Variants in SNTG2 observed in about 807,000 individuals in gnomAD.
SNTG2 encodes gamma-2-syntrophin.
Under a neutral mutation model 70.9 loss-of-function variants are expected in SNTG2, and 74 were observed. That is an observed-to-expected ratio of 1.04 (90% CI 0.86 to 1.27). The LOEUF (loss-of-function observed/expected upper bound fraction) is 1.27, where lower values mean the gene tolerates loss of function less well. SNTG2 is among the 50% of genes most tolerant of loss of function. The probability of loss-of-function intolerance (pLI) is 0.00; values close to 1 mark genes in which losing one functional copy is unlikely to be tolerated. For synonymous variants in SNTG2, 278 were observed against 273.8 expected (o/e 1.02, Z -0.15); for missense variants, 717 against 690.7 (o/e 1.04, Z -0.43).
At chr2:999,495 A>G (rs898114673) in intron 1 of SNTG2, among the ~76,000 whole-genome samples, 10 of 152,070 alleles carry the variant, frequency 6.6e-5, no homozygotes, top group African/African-American at 1.4e-4. Flanking sequence ...GAGTAGTTAC[A>G]CTAATATCAG....
intron 9 of SNTG2, among the ~76,000 whole-genome samples, chr2:1,236,112 G>T (rs190192189): frequency 1.3e-5 from 2 of 152,070 alleles, no homozygotes; most frequent in East Asian, 1.9e-4. Context: ...TGTATATGTC[G>T]CACCAGTTAA....
chr2:995,508 A>G (rs1418864516), intron 1 of SNTG2, among the ~76,000 whole-genome samples: 1 of 151,964 alleles, frequency 6.6e-6, no homozygotes, highest in African/African-American at 2.4e-5. Flanking sequence ...TTCATGAGGG[A>G]TATTATCTTG....
chr2:1,175,842 G>C (rs1671439343), intron 8 of SNTG2, among the ~76,000 whole-genome samples: 1 of 152,290 alleles, frequency 6.6e-6, no homozygotes, highest in South Asian at 2.1e-4. Context: ...ATGATTCGGT[G>C]CCATTTCAGG....
intron 1 of SNTG2, among the ~76,000 whole-genome samples, chr2:1,080,103 G>A (rs1484408386): frequency 6.6e-6 from 1 of 152,174 alleles, no homozygotes; most frequent in Admixed American, 6.5e-5. Context: ...TGGCGAGGGG[G>A]ACTTGTCCTG....
intron 1 of SNTG2, among the ~76,000 whole-genome samples, chr2:1,009,630 G>A (rs1558308116): frequency 2.4e-4 from 22 of 92,554 alleles, no homozygotes; most frequent in African/African-American, 2.7e-4. Context: ...ATACTGGTGG[G>A]TCGTGTGTAT....
At chr2:1,054,253 C>G (rs1218431232) in intron 1 of SNTG2, among the ~76,000 whole-genome samples, 4 of 137,048 alleles carry the variant, frequency 2.9e-5, no homozygotes, top group Non-Finnish European at 6.3e-5. Flanking sequence ...CATCCCTAAG[C>G]GTCAGACCTC....
intron 12 of SNTG2, among the ~76,000 whole-genome samples, chr2:1,254,374 G>T (rs1677929907): frequency 6.6e-6 from 1 of 152,148 alleles, no homozygotes; most frequent in Non-Finnish European, 1.5e-5. Context: ...TTGTACATTA[G>T]AATCTGAAAG....
At position 1,267,741 on chromosome 2, in the gene SNTG2, C is replaced by T. The variant is rs149684072; in HGVS notation, c.1284+170C>T. 2.2e-5 allele frequency among the ~76,000 whole-genome samples: 3 copies of T among 138,700 alleles called. No individual in the cohort carries two copies. In the South Asian group the frequency reaches 7.3e-4, roughly 34 times the overall value. The allele number at this position is 138,700 out of a possible 152,430, so 91.0% of individuals were successfully genotyped here. ...ATCGTTCGCACGGAGTCATGCGCTC[C>T]GTGGATAAATATGAGCTGTAGTGGA... On this transcript the variant is annotated intron_variant, in intron 14 of 16. Coordinates refer to ENST00000308624, the MANE Select transcript of SNTG2 (RefSeq NM_018968.4).
At chr2:1,195,892 C>T (rs1223852247) in intron 8 of SNTG2, among the ~76,000 whole-genome samples, 1 of 148,768 alleles carries the variant, frequency 6.7e-6, no homozygotes, top group Non-Finnish European at 1.5e-5. Flanking sequence ...CTTTATTGAT[C>T]AGGAAAAAAA....
chr2:999,402 C>T (rs532482418), intron 1 of SNTG2, among the ~76,000 whole-genome samples: 7 of 152,004 alleles, frequency 4.6e-5, no homozygotes, highest in African/African-American at 2.4e-5. Context: ...TACAAGAAAC[C>T]CACCTGAGTG....
At chr2:1,162,122 C>G (rs1217881866) in intron 6 of SNTG2, among the ~76,000 whole-genome samples, 1 of 151,212 alleles carries the variant, frequency 6.6e-6, no homozygotes, top group Non-Finnish European at 1.5e-5. Flanking sequence ...CTCTGCCTCT[C>G]TCTATTGATT....
chr2:1,222,556 AAGCGGTGCAGTGATGGAG>A (rs1442940080), intron 9 of SNTG2, among the ~76,000 whole-genome samples: 11 of 72,700 alleles, frequency 1.5e-4, no homozygotes, highest in East Asian at 9.0e-4. Flanking sequence ...CTGTAGAGGA[AAGCGGTGCAGTGATGGAG>A]GGCGTCTCCC....
chr2:1,194,704 C>T (rs2147949056), intron 8 of SNTG2, among the ~76,000 whole-genome samples: 1 of 152,190 alleles, frequency 6.6e-6, no homozygotes, highest in Admixed American at 6.5e-5. Flanking sequence ...GACCCAGAGG[C>T]TTATTTTGTC....
At chr2:1,242,910 G>A (rs1253738327) in intron 11 of SNTG2, 3 of 152,146 alleles carry the variant, frequency 2.0e-5, no homozygotes, top group African/African-American at 7.2e-5. Context: ...TACAGTCAGG[G>A]AGATGTTTCT....
chr2:1,284,304 G>A (rs372740838), intron 14 of SNTG2, among the ~76,000 whole-genome samples: 2 of 152,292 alleles, frequency 1.3e-5, no homozygotes, highest in Admixed American at 6.5e-5. Context: ...ACATTGTAAC[G>A]TTCCCTCTCT....
At chr2:1,113,992 CTAAG>C (rs545975090) in intron 4 of SNTG2, among the ~76,000 whole-genome samples, 1 of 150,634 alleles carries the variant, frequency 6.6e-6, no homozygotes, top group South Asian at 2.1e-4. Flanking sequence ...GTGGTGTGTA[CTAAG>C]TGAGGTTTAA....
chr2:1,231,058 GTGAAATAGA>G (rs1676200825), intron 9 of SNTG2, among the ~76,000 whole-genome samples: 1 of 148,296 alleles, frequency 6.7e-6, no homozygotes. Flanking sequence ...CACTGCGAGG[GTGAAATAGA>G]TCCGAAAGGT....
At chr2:1,216,499 G>A (rs1461451537) in intron 9 of SNTG2, among the ~76,000 whole-genome samples, 1 of 152,126 alleles carries the variant, frequency 6.6e-6, no homozygotes, top group African/African-American at 2.4e-5. Context: ...CTCCCATTCT[G>A]TAGGTTGCCT....
intron 14 of SNTG2, among the ~76,000 whole-genome samples, chr2:1,282,401 T>G (rs1481447261): frequency 2.0e-5 from 3 of 152,216 alleles, no homozygotes; most frequent in African/African-American, 7.2e-5. Context: ...ATTCATAAAC[T>G]TACCTAAATT....
Sources: allele counts gnomAD v4.1 joint callset (sites outside exome capture counted in the v4.1 genomes callset), GRCh38; gene constraint gnomAD v4.1.1; transcripts MANE v1.5; gene names NCBI Gene and HGNC (gene_info 2026-07-23, HGNC 2026-07-21).